Variants in DTD1 observed in about 807,000 individuals in gnomAD.
DTD1 encodes D-tyrosyl-tRNA deacylase 1 homolog.
DTD1 carries 13 observed loss-of-function variants against 25.6 expected under a neutral mutation model. That is an observed-to-expected ratio of 0.51 (90% confidence interval 0.33 to 0.81). The LOEUF (loss-of-function observed/expected upper bound fraction) is 0.81, where lower values mean the gene tolerates loss of function less well. Ranked by LOEUF, DTD1 falls within the 30% of genes least tolerant of loss-of-function variation. The pLI is 0.02. For synonymous variants in DTD1, 110 were observed against 103.6 expected (o/e 1.06, Z -0.37); for missense variants, 193 against 266.4 (o/e 0.72, Z 1.92).
At chr20:18,684,161 C>T (rs2061007528) in intron 4 of DTD1, among the ~76,000 whole-genome samples, 1 of 152,298 alleles carries the variant, frequency 6.6e-6, no homozygotes, top group Non-Finnish European at 1.5e-5. Flanking sequence ...CAGTTCCTGT[C>T]TGGAAAGATC....
intron 4 of DTD1, among the ~76,000 whole-genome samples, chr20:18,733,296 T>A (rs2061244954): frequency 6.6e-6 from 1 of 150,634 alleles, no homozygotes; most frequent in Admixed American, 6.6e-5. Flanking sequence ...ACTCAGGCCT[T>A]GTGCCCGCCT....
rs560185278 is a variant in DTD1 at position 18,621,996 on chromosome 20, G to A, written c.371-6131G>A. 4.4e-3 allele frequency among the ~76,000 whole-genome samples: 667 copies of A among 152,180 alleles called. 3 individuals are homozygous for A. Among genetic ancestry groups the A allele is most frequent in the African/African-American group, 0.013 (519 of 41,508 alleles). On this transcript the variant is annotated intron_variant, in intron 3 of 5. Transcript: ENST00000377452. Reference sequence around the variant, plus strand: ...GGAGAATGGCGTGAACCCGGGAGGCGGAGGTTGCAGTGAGCAGAGATTGTG... The same window carrying A: ...GGAGAATGGCGTGAACCCGGGAGGCAGAGGTTGCAGTGAGCAGAGATTGTG...
chr20:18,660,784 T>C (rs182428325), intron 4 of DTD1, among the ~76,000 whole-genome samples: 51 of 152,258 alleles, frequency 3.3e-4, no homozygotes, highest in Middle Eastern at 3.4e-3. Flanking sequence ...GGAAAAAATA[T>C]TTGTAATATT....
At chr20:18,632,436 T>C (rs1324724638) in intron 4 of DTD1, 3 of 985,506 alleles carry the variant, frequency 3.0e-6, no homozygotes, top group Non-Finnish European at 3.6e-6. Flanking sequence ...AGGTTGGTGC[T>C]GGCCTGTGCC....
chr20:18,743,673 C>CAAAA (rs11474877), intron 4 of DTD1, among the ~76,000 whole-genome samples: 135 of 104,746 alleles, frequency 1.3e-3, no homozygotes, highest in Non-Finnish European at 1.5e-3. Context: ...GACCCTGTCT[C>CAAAA]AAAAAAAAAA....
At chr20:18,745,623 G>T (rs1292852419) in intron 5 of DTD1, among the ~76,000 whole-genome samples, 1 of 152,134 alleles carries the variant, frequency 6.6e-6, no homozygotes, top group Non-Finnish European at 1.5e-5. Flanking sequence ...GCCAAGAGAA[G>T]AGCAGTGCAA....
Position 18,619,537 on chromosome 20 carries a change from G to C in DTD1, c.371-8590G>C, listed in dbSNP as rs549474049. On this transcript the variant is annotated intron_variant, in intron 3 of 5. Transcript: ENST00000377452. Reference sequence around the variant, plus strand: ...CCTCCTGGGTTCACACGATTCTCCTGCCTCAGTCTCCCGAGTAGCTAGGAC... The same window carrying C: ...CCTCCTGGGTTCACACGATTCTCCTCCCTCAGTCTCCCGAGTAGCTAGGAC... 2.0e-5 allele frequency among the ~76,000 whole-genome samples: 3 copies of C among 152,170 alleles called. No homozygotes were observed. The South Asian group carries it at 6.2e-4, about 32-fold the overall frequency.
At chr20:18,717,598 A>T (rs1054982323) in intron 4 of DTD1, among the ~76,000 whole-genome samples, 2 of 152,198 alleles carry the variant, frequency 1.3e-5, no homozygotes, top group East Asian at 3.8e-4. Flanking sequence ...CATATCTTCA[A>T]AACATTTTCC....
intron 4 of DTD1, among the ~76,000 whole-genome samples, chr20:18,735,356 G>A (rs1165997767): frequency 6.6e-6 from 1 of 152,206 alleles, no homozygotes; most frequent in Admixed American, 6.5e-5. Context: ...TGGCAGTTAC[G>A]AGAAGCCCCT....
At chr20:18,712,143 T>G (rs1047293803) in intron 4 of DTD1, among the ~76,000 whole-genome samples, 1 of 152,196 alleles carries the variant, frequency 6.6e-6, no homozygotes, top group Admixed American at 6.5e-5. Context: ...GGTTTTTCCT[T>G]AGAGTACTTA....
At chr20:18,748,095 A>G (rs2122526303) in intron 5 of DTD1, among the ~76,000 whole-genome samples, 1 of 152,218 alleles carries the variant, frequency 6.6e-6, no homozygotes, top group East Asian at 1.9e-4. Context: ...AACTTAATGA[A>G]CGGGAGAGGG....
At chr20:18,723,678 A>G (rs1269535540) in intron 4 of DTD1, among the ~76,000 whole-genome samples, 1 of 152,214 alleles carries the variant, frequency 6.6e-6, no homozygotes, top group Non-Finnish European at 1.5e-5. Context: ...TTATTTAATA[A>G]CACAAGAGAT....
At chr20:18,643,805 C>G (rs1248437917) in intron 4 of DTD1, among the ~76,000 whole-genome samples, 1 of 152,048 alleles carries the variant, frequency 6.6e-6, no homozygotes, top group Non-Finnish European at 1.5e-5. Flanking sequence ...GAAGCATGTC[C>G]CTTAATTTGG....
At chr20:18,642,582 T>G (rs1369127503) in intron 4 of DTD1, among the ~76,000 whole-genome samples, 1 of 152,150 alleles carries the variant, frequency 6.6e-6, no homozygotes, top group Non-Finnish European at 1.5e-5. Flanking sequence ...TTGTTTACCC[T>G]CTTCAGAAGG....
chr20:18,752,348 AC>A (rs2061324155), intron 5 of DTD1, among the ~76,000 whole-genome samples: 1 of 151,946 alleles, frequency 6.6e-6, no homozygotes, highest in Non-Finnish European at 1.5e-5. Context: ...CAATTGCTCT[AC>A]AGTCTTGGAT....
intron 4 of DTD1, among the ~76,000 whole-genome samples, chr20:18,653,096 A>C (rs2060879893): frequency 6.6e-6 from 1 of 152,086 alleles, no homozygotes; most frequent in Non-Finnish European, 1.5e-5. Flanking sequence ...GCATTGACTT[A>C]ATTAATTAAT....
At chr20:18,723,387 T>C (rs760077651) in intron 4 of DTD1, among the ~76,000 whole-genome samples, 6 of 152,202 alleles carry the variant, frequency 3.9e-5, no homozygotes, top group Non-Finnish European at 5.9e-5. Context: ...ACCAGTGAGA[T>C]AGAGGCTAAT....
At chr20:18,637,041 A>G (rs1047528325) in intron 4 of DTD1, among the ~76,000 whole-genome samples, 1 of 152,208 alleles carries the variant, frequency 6.6e-6, no homozygotes, top group African/African-American at 2.4e-5. Context: ...GCTCCTAAGC[A>G]CACTGACATT....
chr20:18,722,430 A>C (rs2061207964), intron 4 of DTD1, among the ~76,000 whole-genome samples: 1 of 152,184 alleles, frequency 6.6e-6, no homozygotes, highest in South Asian at 2.1e-4. Context: ...AGGAGACTTA[A>C]GATGGTTGTG....
Sources: gnomAD v4.1 joint callset for allele counts (sites outside exome capture counted in the v4.1 genomes callset) on GRCh38, gnomAD v4.1.1 for gene constraint, MANE v1.5 for transcripts, NCBI Gene and HGNC (gene_info 2026-07-23, HGNC 2026-07-21) for gene names.